RANBP2: variants seen among roughly 807,000 people sequenced by gnomAD.
RANBP2 encodes RAN binding protein 2.
Under a neutral mutation model 303.6 loss-of-function variants are expected in RANBP2, and 57 were observed. The observed-to-expected ratio is 0.19, with a 90% CI of 0.15 to 0.23. RANBP2 has a LOEUF of 0.23. Among genes scored for constraint, RANBP2 ranks in the 10% least tolerant of loss-of-function variants. The probability of loss-of-function intolerance (pLI) is 1.00; values close to 1 mark genes in which losing one functional copy is unlikely to be tolerated. For missense variants in RANBP2, 3,138 were observed against 3,780.8 expected, an observed-to-expected ratio of 0.83 and a Z score of 4.46; for synonymous variants, 1,167 against 1,301.5, an observed-to-expected ratio of 0.90 and a Z score of 2.23.
At chr2:108,968,614 G>A in the RANBP2 span, among the ~76,000 whole-genome samples, 2 of 152,216 alleles carry the variant, frequency 1.3e-5, no homozygotes, top group East Asian at 3.9e-4. Context: ...CAGGCATGGT[G>A]TTCTCTTTTC....
At chr2:109,299,523 C>A in the RANBP2 span, among the ~76,000 whole-genome samples, 1 of 152,062 alleles carries the variant, frequency 6.6e-6, no homozygotes, top group African/African-American at 2.4e-5. Context: ...AGCCTTGCAC[C>A]CCAGGACAGG....
the RANBP2 span, among the ~76,000 whole-genome samples, chr2:108,906,967 T>C: frequency 6.6e-6 from 1 of 152,234 alleles, no homozygotes; most frequent in African/African-American, 2.4e-5. Context: ...CCATCAGTGA[T>C]GTTGCCTAGC....
At chr2:109,280,642 A>G in the RANBP2 span, among the ~76,000 whole-genome samples, 8 of 152,340 alleles carry the variant, frequency 5.3e-5, no homozygotes, top group Non-Finnish European at 7.3e-5. Flanking sequence ...CTGCTCATCA[A>G]AAGATTATTT....
the RANBP2 span, among the ~76,000 whole-genome samples, chr2:108,797,489 G>C: frequency 1.3e-5 from 2 of 152,276 alleles, no homozygotes; most frequent in East Asian, 3.9e-4. Flanking sequence ...GAGTGATTCT[G>C]AAATGAGAGA....
the RANBP2 span, among the ~76,000 whole-genome samples, chr2:109,410,621 G>C: frequency 5.3e-5 from 8 of 152,238 alleles, no homozygotes; most frequent in East Asian, 1.5e-3. Flanking sequence ...GAGTTGTTCT[G>C]TAGGGTCAGT....
At chr2:109,614,296 G>GGC in the RANBP2 span, 2 of 598,180 alleles carry the variant, frequency 3.3e-6, no homozygotes, top group Non-Finnish European at 2.4e-6. Context: ...TGGGCGCGGG[G>GGC]CGGGGGTGCG....
the RANBP2 span, among the ~76,000 whole-genome samples, chr2:109,698,025 A>C: frequency 3.8e-3 from 573 of 151,522 alleles, 4 homozygotes; most frequent in African/African-American, 0.013. Flanking sequence ...ATGCCCAGCT[A>C]ATTTTTGTAT....
intron 15 of RANBP2, 77 bp downstream of exon 15, chr2:108,754,048 G>T: frequency 5.0e-6 from 8 of 1,610,006 alleles, no homozygotes; most frequent in Non-Finnish European, 6.8e-6. Context: ...CTTATATTTT[G>T]GTAATTTCAA....
At chr2:108,875,730 G>A in the RANBP2 span, among the ~76,000 whole-genome samples, 1 of 152,118 alleles carries the variant, frequency 6.6e-6, no homozygotes, top group African/African-American at 2.4e-5. Flanking sequence ...TTGGTGATGT[G>A]CGCCTGTAGT....
At chr2:108,763,129 T>A (rs977211159) in intron 19 of RANBP2, 108 bp from the exon 20 acceptor site, 2 of 1,259,762 alleles carry the variant, frequency 1.6e-6, no homozygotes, top group Non-Finnish European at 2.3e-6. Context: ...CCTAATGAGA[T>A]CTTCTTCACT....
chr2:109,615,962 A>G, the RANBP2 span: 1 of 1,582,124 alleles, frequency 6.3e-7, no homozygotes, highest in Non-Finnish European at 8.6e-7. Context: ...TCAGGGACCC[A>G]GAGCAGCCGC....
At chr2:109,667,899 C>CTG in the RANBP2 span, 1 of 176,814 alleles carries the variant, frequency 5.7e-6, no homozygotes, top group Non-Finnish European at 1.2e-5. Flanking sequence ...GAAGGAGAAG[C>CTG]TGAAGCAGCA....
the RANBP2 span, among the ~76,000 whole-genome samples, chr2:109,019,641 G>T: frequency 6.6e-6 from 1 of 152,176 alleles, no homozygotes; most frequent in Admixed American, 6.5e-5. Flanking sequence ...AGAGCAATTT[G>T]ATGTGCTGGT....
At chr2:108,938,657 G>GA in the RANBP2 span, among the ~76,000 whole-genome samples, 931 of 148,712 alleles carry the variant, frequency 6.3e-3, 6 homozygotes, top group African/African-American at 0.021. Flanking sequence ...GAGAAGTTTT[G>GA]AAAAAAAAAA....
chr2:109,368,805 T>C, the RANBP2 span, among the ~76,000 whole-genome samples: 3 of 152,154 alleles, frequency 2.0e-5, no homozygotes, highest in Admixed American at 2.0e-4. Flanking sequence ...TAAAATTAAA[T>C]TTCTATCTTG....
rs377029115 is a variant in RANBP2, at chr2:108,751,607, C to T, written c.1535C>T (p.Pro512Leu). Residue 512 changes from proline to leucine, a missense_variant, in exon 11 of 29, where the codon CCG (proline) becomes CTG (leucine). Coordinates refer to ENST00000283195, the MANE Select transcript of RANBP2 (RefSeq NM_006267.5). ...AATTCTCACCACAGCTCCTATCAGC[C>T]GTTATGCCTGCCCCTTCCTGTGTGT... ...KCNSHHSSYQPLCLPLPVCKQ... is the reference protein window; with the variant it reads ...KCNSHHSSYQLLCLPLPVCKQ... 357 of 1,610,824 alleles carry T rather than the reference C, an allele frequency of 2.2e-4. 1 individual carries two copies. The highest frequency in any genetic ancestry group is 2.9e-4 in the Non-Finnish European group (339 of 1,179,196).
the RANBP2 span, among the ~76,000 whole-genome samples, chr2:109,091,364 T>C: frequency 1.8e-4 from 27 of 152,244 alleles, no homozygotes; most frequent in Admixed American, 2.6e-4. Context: ...CCCTCTGTTT[T>C]AGTCCTGCCC....
the RANBP2 span, among the ~76,000 whole-genome samples, chr2:109,751,897 C>T: frequency 0.43 from 1,792 of 4,156 alleles, 258 homozygotes; most frequent in Non-Finnish European, 0.52. Context: ...GCCTGTGCAG[C>T]CCTCTTCCTT....
the RANBP2 span, among the ~76,000 whole-genome samples, chr2:108,978,460 C>T: frequency 1.3e-5 from 2 of 152,132 alleles, no homozygotes; most frequent in South Asian, 2.1e-4. Context: ...ATTTGTTAGA[C>T]GCCTCAAGAG....
Sources: allele counts gnomAD v4.1 joint callset (sites outside exome capture counted in the v4.1 genomes callset), GRCh38; gene constraint gnomAD v4.1.1; transcripts MANE v1.5; gene names NCBI Gene and HGNC (gene_info 2026-07-23, HGNC 2026-07-21).